LARGE1: variants seen among roughly 807,000 people sequenced by gnomAD.
The protein encoded by LARGE1 is xylosyl- and glucuronyltransferase LARGE1.
LARGE1 carries 43 observed loss-of-function variants against 87.6 expected under a neutral mutation model. The observed-to-expected ratio is 0.49, with a 90% CI of 0.38 to 0.63. The LOEUF (loss-of-function observed/expected upper bound fraction) is 0.63, where lower values mean the gene tolerates loss of function less well. Ranked by LOEUF, LARGE1 falls within the 30% of genes least tolerant of loss-of-function variation. The pLI is 0.00. For missense variants in LARGE1, 802 were observed against 1,000.2 expected (o/e 0.80, Z 2.67); for synonymous variants, 434 against 394.6 (o/e 1.10, Z -1.18).
chr22:33,131,130 A>ACTG, the LARGE1 span, among the ~76,000 whole-genome samples: 1 of 151,544 alleles, frequency 6.6e-6, no homozygotes, highest in East Asian at 1.9e-4. Context: ...TTCCTATGAG[A>ACTG]TTTGCAAGTG....
chr22:33,756,486 T>C (rs865879459), intron 2 of LARGE1, among the ~76,000 whole-genome samples: 1 of 152,096 alleles, frequency 6.6e-6, no homozygotes, highest in South Asian at 2.1e-4. Flanking sequence ...GAGCAATTAA[T>C]TGTGTTTCAG....
rs528398575 is a variant in LARGE1, at chr22:33,644,046, C to T, written c.408+6321G>A. Reference sequence around the variant, plus strand: ...CAAAAATAAAAAAAGAGGGATTCCTCCCTAACTCATTTTATGAGGCCAGCA... The same window carrying T: ...CAAAAATAAAAAAAGAGGGATTCCTTCCTAACTCATTTTATGAGGCCAGCA... On this transcript the variant is annotated intron_variant, in intron 3 of 14. Transcript: ENST00000397394. Among the ~76,000 whole-genome samples, 3 of 152,296 alleles carry T rather than the reference C, an allele frequency of 2.0e-5. No homozygotes were observed. The South Asian group carries it at 6.2e-4, about 32-fold the overall frequency.
rs1274830884 is a variant in LARGE1 at position 33,166,726 on chromosome 22, C to T, written c.*37G>A. ...AAATTAGGGCTCATGAAGAACAGTA[C>T]CCAAGTCCTCGAGAAGGAAGCCAAC... On this transcript the variant is annotated 3_prime_UTR_variant, in exon 12 of 12. Transcript: ENST00000608642. 6.4e-6 allele frequency: 3 copies of T among 471,012 alleles called. No individual in the cohort carries two copies. The East Asian group carries it at 2.1e-4, about 33-fold the overall frequency. The allele number at this position is 471,012 out of a possible 1,614,324, so 29.2% of individuals were successfully genotyped here.
chr22:33,680,522 CAAT>C (rs951840465), intron 2 of LARGE1, among the ~76,000 whole-genome samples: 2 of 152,088 alleles, frequency 1.3e-5, no homozygotes, highest in African/African-American at 4.8e-5. Context: ...TTTATTTTTA[CAAT>C]AACTACCGGC....
chr22:33,123,468 A>T, the LARGE1 span, among the ~76,000 whole-genome samples: 4 of 151,920 alleles, frequency 2.6e-5, no homozygotes, highest in African/African-American at 9.7e-5. Context: ...TGCTGTCCCC[A>T]TGTCTAGTAA....
chr22:33,318,388 G>T, intron 10 of LARGE1, among the ~76,000 whole-genome samples: 1 of 152,208 alleles, frequency 6.6e-6, no homozygotes, highest in Non-Finnish European at 1.5e-5. Flanking sequence ...GCGATAGTTT[G>T]CTGAGAATGA....
chr22:33,458,492 C>T (rs1377950519), intron 6 of LARGE1, among the ~76,000 whole-genome samples: 3 of 151,850 alleles, frequency 2.0e-5, no homozygotes, highest in South Asian at 2.1e-4. Context: ...AGTGCAATGG[C>T]GTGATCTCGG....
At chr22:33,840,745 A>G (rs1247537980) in intron 1 of LARGE1, among the ~76,000 whole-genome samples, 2 of 151,832 alleles carry the variant, frequency 1.3e-5, no homozygotes, top group African/African-American at 2.4e-5. Flanking sequence ...ATCACGGCTC[A>G]CTGCAGCCTA....
rs184088372 is a variant in LARGE1 at position 33,676,053 on chromosome 22, A to G, written c.107-25385T>C. ...AAATTCTGGTTCCAAAGAGAGTTCT[A>G]TGTTTTTATGCATTAAAAGCACTAG... On this transcript the variant is annotated intron_variant, in intron 2 of 14. Transcript: ENST00000397394. 7.3e-5 allele frequency among the ~76,000 whole-genome samples: 11 copies of G among 151,608 alleles called. No homozygotes were observed. In the East Asian group the frequency reaches 2.1e-3, roughly 29 times the overall value.
intron 1 of LARGE1, among the ~76,000 whole-genome samples, chr22:33,855,289 G>A (rs1044319354): frequency 1.3e-5 from 2 of 152,100 alleles, no homozygotes; most frequent in African/African-American, 4.8e-5. Flanking sequence ...AGCGGAGATC[G>A]CGCCACCACA....
intron 1 of LARGE1, among the ~76,000 whole-genome samples, chr22:33,764,340 C>G (rs539594553): frequency 7.4e-4 from 113 of 152,286 alleles, no homozygotes; most frequent in South Asian, 1.7e-3. Context: ...CAGGACCCCC[C>G]ACAGATACCA....
At chr22:33,679,092 C>T (rs1042921546) in intron 2 of LARGE1, among the ~76,000 whole-genome samples, 1 of 152,228 alleles carries the variant, frequency 6.6e-6, no homozygotes, top group Non-Finnish European at 1.5e-5. Flanking sequence ...ATATCTATCT[C>T]TGCCATTAAA....
intron 1 of LARGE1, among the ~76,000 whole-genome samples, chr22:33,779,250 T>C (rs1018679765): frequency 2.0e-5 from 3 of 152,196 alleles, no homozygotes; most frequent in Admixed American, 6.5e-5. Context: ...TATTTCATTA[T>C]ATATGTCTGG....
chr22:33,287,090 C>T (rs1931685290), intron 12 of LARGE1, among the ~76,000 whole-genome samples: 1 of 152,252 alleles, frequency 6.6e-6, no homozygotes, highest in South Asian at 2.1e-4. Flanking sequence ...GACTTCTGAA[C>T]TGCTGCAGAG....
chr22:33,419,588 T>C (rs2066620233), intron 7 of LARGE1, among the ~76,000 whole-genome samples: 1 of 152,154 alleles, frequency 6.6e-6, no homozygotes, highest in South Asian at 2.1e-4. Flanking sequence ...AAACGGTCCT[T>C]TCTAGAAGAA....
chr22:33,691,418 A>G (rs971329872), intron 2 of LARGE1, among the ~76,000 whole-genome samples: 4 of 152,158 alleles, frequency 2.6e-5, no homozygotes, highest in Non-Finnish European at 5.9e-5. Context: ...TTGATCACAG[A>G]GAGAATAAGC....
intron 6 of LARGE1, among the ~76,000 whole-genome samples, chr22:33,432,963 G>A (rs2067136216): frequency 6.6e-6 from 1 of 152,162 alleles, no homozygotes. Context: ...GTTGATGTTG[G>A]CCTCAGTCTC....
chr22:33,564,708 C>T, intron 6 of LARGE1, 140 bp downstream of exon 6: 1 of 797,662 alleles, frequency 1.3e-6, no homozygotes, highest in Non-Finnish European at 2.1e-6. Flanking sequence ...TGATATTGAA[C>T]CATATTTGTA....
chr22:33,680,581 G>A (rs74944869), intron 2 of LARGE1, among the ~76,000 whole-genome samples: 43 of 152,228 alleles, frequency 2.8e-4, no homozygotes, highest in Middle Eastern at 3.4e-3. Flanking sequence ...TGGGAAGGTC[G>A]TGAAAAACAA....
Sources: allele counts gnomAD v4.1 joint callset (sites outside exome capture counted in the v4.1 genomes callset), GRCh38; gene constraint gnomAD v4.1.1; transcripts MANE v1.5; gene names NCBI Gene and HGNC (gene_info 2026-07-23, HGNC 2026-07-21).